GALNTL6: variants seen among roughly 807,000 people sequenced by gnomAD.
GALNTL6 encodes polypeptide N-acetylgalactosaminyltransferase-like 6.
GALNTL6 carries 46 observed loss-of-function variants against 73.7 expected under a neutral mutation model. That is an observed-to-expected ratio of 0.62 (90% CI 0.49 to 0.80). The LOEUF (loss-of-function observed/expected upper bound fraction) is 0.80, where lower values mean the gene tolerates loss of function less well. Among genes scored for constraint, GALNTL6 ranks in the 30% least tolerant of loss-of-function variants. GALNTL6 has a pLI of 0.00. For missense variants in GALNTL6, 604 were observed against 755.0 expected (o/e 0.80, Z 2.34); for synonymous variants, 259 against 263.7 (o/e 0.98, Z 0.17).
At chr4:173,001,233 C>T (rs1421011130) in intron 10 of GALNTL6, among the ~76,000 whole-genome samples, 2 of 152,140 alleles carry the variant, frequency 1.3e-5, no homozygotes, top group South Asian at 2.1e-4. Context: ...CTTTTAGCCT[C>T]CAAAACTGTC....
rs1732726460 is a variant in GALNTL6, at chr4:172,683,219, G to A, written c.554-126142G>A. 2.0e-5 allele frequency among the ~76,000 whole-genome samples: 3 copies of A among 152,234 alleles called. No homozygotes were observed. In the South Asian group the frequency reaches 6.2e-4, roughly 32 times the overall value. On this transcript the variant is annotated intron_variant, in intron 5 of 12. Coordinates refer to ENST00000506823, the MANE Select transcript of GALNTL6 (RefSeq NM_001034845.3). The stretch of plus-strand genomic sequence containing the variant: ...AGTAACAGGCTGTGGTATCTGTCAT[G>A]TCATCTAAAAGATACTGAAATTTCT...
intron 2 of GALNTL6, among the ~76,000 whole-genome samples, chr4:172,019,277 C>T (rs541621702): frequency 6.2e-4 from 94 of 152,184 alleles, no homozygotes; most frequent in Non-Finnish European, 1.1e-3. Context: ...CTCCTGTCTC[C>T]TGTATGTCCT....
At chr4:171,940,856 T>TAAAC (rs1219975600) in intron 2 of GALNTL6, among the ~76,000 whole-genome samples, 7 of 142,656 alleles carry the variant, frequency 4.9e-5, no homozygotes, top group Admixed American at 2.2e-4. Context: ...AATAAATAAA[T>TAAAC]AAATAAATAT....
chr4:172,871,596 G>C (rs1561004843), intron 7 of GALNTL6, among the ~76,000 whole-genome samples: 2 of 114,592 alleles, frequency 1.7e-5, no homozygotes, highest in African/African-American at 6.1e-5. Flanking sequence ...TCTGGGGGGG[G>C]TGTGTGTGTG....
intron 2 of GALNTL6, among the ~76,000 whole-genome samples, chr4:172,033,841 G>T (rs1741845058): frequency 6.6e-6 from 1 of 152,012 alleles, no homozygotes; most frequent in African/African-American, 2.4e-5. Flanking sequence ...TAGACCAAAA[G>T]AAAGTTTTGC....
chr4:173,007,607 G>C (rs1752361278), intron 10 of GALNTL6, among the ~76,000 whole-genome samples: 2 of 152,146 alleles, frequency 1.3e-5, no homozygotes, highest in Non-Finnish European at 2.9e-5. Flanking sequence ...GGGAGTTCAA[G>C]ACCAGCCTGG....
intron 5 of GALNTL6, among the ~76,000 whole-genome samples, chr4:172,351,478 C>T (rs1331478096): frequency 2.6e-5 from 4 of 152,014 alleles, no homozygotes; most frequent in African/African-American, 9.7e-5. Flanking sequence ...TAGCAGAATC[C>T]TTTTCAAGAT....
chr4:172,857,263 G>T (rs1457360721), intron 7 of GALNTL6, among the ~76,000 whole-genome samples: 1 of 152,320 alleles, frequency 6.6e-6, no homozygotes, highest in Non-Finnish European at 1.5e-5. Flanking sequence ...CCAAAGGAAA[G>T]AAGTGGGGAC....
intron 12 of GALNTL6, among the ~76,000 whole-genome samples, chr4:173,021,917 A>T (rs887839286): frequency 6.6e-6 from 1 of 151,526 alleles, no homozygotes; most frequent in African/African-American, 2.4e-5. Flanking sequence ...CACTTTGAGC[A>T]TGGGAGGGGG....
At chr4:172,672,636 T>C (rs1213698648) in intron 5 of GALNTL6, among the ~76,000 whole-genome samples, 2 of 109,860 alleles carry the variant, frequency 1.8e-5, no homozygotes, top group East Asian at 5.6e-4. Context: ...TGTGAATCCG[T>C]CTGGTCCTGG....
rs189988105 is a variant in GALNTL6, at chr4:172,486,342, A to G, written c.553+137653A>G. Among the ~76,000 whole-genome samples, 11 of 152,318 alleles carry G rather than the reference A, an allele frequency of 7.2e-5. No homozygotes were observed. In the East Asian group the frequency reaches 2.1e-3, roughly 29 times the overall value. ...AGTCAAAGAAAGTTGTTGGGTCTCT[A>G]TTAGCCTCCAGATAATTTATTAAGC... is the stretch of plus-strand genomic sequence containing the variant. On this transcript the variant is annotated intron_variant, in intron 5 of 12. Coordinates refer to ENST00000506823, the MANE Select transcript of GALNTL6 (RefSeq NM_001034845.3).
chr4:172,569,929 A>AGTAC (rs1736699389), intron 5 of GALNTL6, among the ~76,000 whole-genome samples: 2 of 152,228 alleles, frequency 1.3e-5, no homozygotes, highest in Admixed American at 6.5e-5. Flanking sequence ...AGGAGGACGT[A>AGTAC]GTACGACAGA....
intron 5 of GALNTL6, among the ~76,000 whole-genome samples, chr4:172,461,217 G>C (rs1028309495): frequency 5.3e-5 from 8 of 152,170 alleles, no homozygotes; most frequent in Non-Finnish European, 7.4e-5. Flanking sequence ...GGACCTGTTG[G>C]GGGGTGGGGC....
At chr4:172,639,958 C>CT (rs1268509025) in intron 5 of GALNTL6, among the ~76,000 whole-genome samples, 1 of 151,956 alleles carries the variant, frequency 6.6e-6, no homozygotes, top group Non-Finnish European at 1.5e-5. Flanking sequence ...TTATTCCTGT[C>CT]TTTTTTAAAA....
chr4:171,914,740 A>G (rs1737567731), intron 2 of GALNTL6, among the ~76,000 whole-genome samples: 1 of 150,562 alleles, frequency 6.6e-6, no homozygotes, highest in Non-Finnish European at 1.5e-5. Flanking sequence ...TTATGAATAA[A>G]ATAACACTTA....
At chr4:172,112,695 T>C (rs1357731524) in intron 2 of GALNTL6, among the ~76,000 whole-genome samples, 2 of 151,984 alleles carry the variant, frequency 1.3e-5, no homozygotes, top group African/African-American at 2.4e-5. Flanking sequence ...CCAAAATCCA[T>C]TTGTTGAAAT....
chr4:172,166,762 C>T (rs1193276917), intron 2 of GALNTL6, among the ~76,000 whole-genome samples: 1 of 152,162 alleles, frequency 6.6e-6, no homozygotes, highest in African/African-American at 2.4e-5. Context: ...TGCGTTATTT[C>T]AAACATGTTC....
chr4:172,124,815 A>T (rs1733251611), intron 2 of GALNTL6, among the ~76,000 whole-genome samples: 1 of 152,212 alleles, frequency 6.6e-6, no homozygotes, highest in Non-Finnish European at 1.5e-5. Flanking sequence ...AATACACAGG[A>T]ATGTAAACAG....
chr4:172,366,477 T>C (rs774015508), intron 5 of GALNTL6, among the ~76,000 whole-genome samples: 5 of 152,142 alleles, frequency 3.3e-5, no homozygotes, highest in Non-Finnish European at 7.4e-5. Flanking sequence ...GGTAGTGCCA[T>C]GTCACCTTCA....
Sources: allele counts gnomAD v4.1 joint callset (sites outside exome capture counted in the v4.1 genomes callset), GRCh38; gene constraint gnomAD v4.1.1; transcripts MANE v1.5; gene names NCBI Gene and HGNC (gene_info 2026-07-23, HGNC 2026-07-21).